The following COP1 variants were observed in gnomAD, a reference collection of about 807,000 sequenced individuals.
COP1 encodes COP1 E3 ubiquitin ligase, also known as E3 ubiquitin-protein ligase COP1.
Under a neutral mutation model 101.3 loss-of-function variants are expected in COP1, and 24 were observed. That is an observed-to-expected ratio of 0.24 (90% CI 0.17 to 0.33). The LOEUF (loss-of-function observed/expected upper bound fraction) is 0.33, where lower values mean the gene tolerates loss of function less well. Among genes scored for constraint, COP1 ranks in the 10% least tolerant of loss-of-function variants. The probability of loss-of-function intolerance (pLI) is 1.00; values close to 1 mark genes in which losing one functional copy is unlikely to be tolerated. For missense variants in COP1, 663 were observed against 906.2 expected, an observed-to-expected ratio of 0.73 and a Z score of 3.45; for synonymous variants, 347 against 341.9, an observed-to-expected ratio of 1.01 and a Z score of -0.17.
intron 8 of COP1, chr1:176,133,704 A>G: frequency 2.8e-6 from 1 of 351,368 alleles, no homozygotes; most frequent in East Asian, 7.4e-5. Flanking sequence ...AATCAGTGAG[A>G]GACTGAGTAA....
intron 14 of COP1, among the ~76,000 whole-genome samples, chr1:176,038,361 C>T (rs1669933131): frequency 6.6e-6 from 1 of 152,154 alleles, no homozygotes; most frequent in African/African-American, 2.4e-5. Context: ...ATCAAAATCT[C>T]AGCAGGATTT....
At chr1:176,052,478 C>G (rs1672738859) in intron 11 of COP1, among the ~76,000 whole-genome samples, 1 of 152,164 alleles carries the variant, frequency 6.6e-6, no homozygotes, top group South Asian at 2.1e-4. Flanking sequence ...ATTTTAAAGA[C>G]TGAATTAGGA....
Position 176,007,610 on chromosome 1 carries a change from A to G in COP1, c.1730-18131T>C, listed in dbSNP as rs373790483. Among the ~76,000 whole-genome samples the G allele has an allele frequency of 1.7e-4, 26 of 151,846 alleles. No individual in the cohort carries two copies. The East Asian group carries it at 3.1e-3, about 18-fold the overall frequency. On this transcript the variant is annotated intron_variant, in intron 15 of 19. Transcript: ENST00000367669. The stretch of plus-strand genomic sequence containing the variant: ...CTGTTGGAATACCCTGCCGTGTGAG[A>G]TGTCAGTGTGCCCCTGCTGGGGGGT...
chr1:176,206,674 C>T lies in COP1; in HGVS notation c.305G>A (p.Ser102Asn). 6.2e-7 allele frequency: 1 copy of T among 1,609,684 alleles called. No homozygotes were observed. Among genetic ancestry groups the T allele is most frequent in the Non-Finnish European group, 8.5e-7 (1 of 1,179,832 alleles). The change falls in exon 1 of 20, where the codon AGC becomes AAC. Residue 102 changes from serine (S) to asparagine (N), a missense_variant. This residue lies in a region of COP1 where 204 missense variants were observed against 203.6 expected (regional missense o/e 1.00). Coordinates refer to ENST00000367669, the MANE Select transcript of COP1 (RefSeq NM_022457.7). Reference protein sequence around the residue: ...AARPSAGVGGSSSSLGSGSRK... With the variant: ...AARPSAGVGGNSSSLGSGSRK... ...GCTGCCGCTGCCTAGGCTGGAGCTG[C>T]TGCCTCCTACGCCGGCGCTGGGCCT... is the stretch of plus-strand genomic sequence containing the variant.
chr1:175,986,881 C>T (rs1657247297), intron 18 of COP1, 62 bp downstream of exon 18: 4 of 1,243,474 alleles, frequency 3.2e-6, no homozygotes, highest in African/African-American at 3.0e-5. Context: ...TTAATCAAAC[C>T]CTGTGTATAC....
rs1005881021 is a variant in COP1, at chr1:175,987,854, G to T, written c.1972+434C>A. 4.6e-5 allele frequency among the ~76,000 whole-genome samples: 7 copies of T among 152,218 alleles called. No individual in the cohort carries two copies. In the East Asian group the frequency reaches 1.4e-3, roughly 29 times the overall value. ...TAAATTATCAACAATAAAAGCCATA[G>T]AATAACAGATCAATGCTATGCAAAC... is the stretch of plus-strand genomic sequence containing the variant. On this transcript the variant is annotated intron_variant, in intron 17 of 19. Transcript: ENST00000367669.
intron 9 of COP1, among the ~76,000 whole-genome samples, chr1:176,086,342 C>T (rs564014546): frequency 6.6e-6 from 1 of 151,186 alleles, no homozygotes; most frequent in South Asian, 2.1e-4. Context: ...TCTCCTGCCT[C>T]AGCCTCCCAA....
chr1:175,968,933 T>G (rs1180355569), intron 18 of COP1, among the ~76,000 whole-genome samples: 1 of 152,184 alleles, frequency 6.6e-6, no homozygotes, highest in Admixed American at 6.5e-5. Context: ...TGAGTAAAGC[T>G]TGAGAAAAAT....
In COP1 at chr1:175,947,669, C is replaced by T. The variant is rs111628004; in HGVS notation, c.2134-430G>A. ...ACAGGCGTGAGCCACTGTGCCCAGT[C>T]GAAGAGACAATTTTAACATGTTTTT... On this transcript the variant is annotated intron_variant, in intron 18 of 19. Coordinates refer to ENST00000367669, the MANE Select transcript of COP1 (RefSeq NM_022457.7). Among the ~76,000 whole-genome samples, 402 of 152,154 alleles carry T rather than the reference C, an allele frequency of 2.6e-3. 3 individuals carry two copies. The highest frequency in any genetic ancestry group is 9.2e-3 in the African/African-American group (383 of 41,506).
intron 8 of COP1, among the ~76,000 whole-genome samples, chr1:176,124,259 C>T (rs1219301177): frequency 6.6e-6 from 1 of 152,066 alleles, no homozygotes; most frequent in Non-Finnish European, 1.5e-5. Context: ...CTTTGTGTTA[C>T]AAACAACCCA....
chr1:175,997,923 A>G (rs187144033), intron 15 of COP1, among the ~76,000 whole-genome samples: 1 of 151,902 alleles, frequency 6.6e-6, no homozygotes, highest in Non-Finnish European at 1.5e-5. Context: ...GACTATAAAT[A>G]ATGCTGCTAT....
At chr1:176,171,485 C>T (rs1180551768) in intron 3 of COP1, among the ~76,000 whole-genome samples, 1 of 152,146 alleles carries the variant, frequency 6.6e-6, no homozygotes, top group Non-Finnish European at 1.5e-5. Flanking sequence ...CAGCAATAAG[C>T]GATTTTGCCT....
chr1:176,013,495 G>A (rs151309016), intron 15 of COP1, among the ~76,000 whole-genome samples: 5 of 152,146 alleles, frequency 3.3e-5, no homozygotes, highest in Admixed American at 1.3e-4. Flanking sequence ...AACCTACTTG[G>A]TTCTCCTTCC....
chr1:176,114,281 C>T (rs1685796518), intron 9 of COP1, among the ~76,000 whole-genome samples: 1 of 151,952 alleles, frequency 6.6e-6, no homozygotes. Flanking sequence ...CAGATACAAA[C>T]CAATCTACAA....
chr1:176,036,089 TAATATAATAGCA>T (rs1571834938), intron 14 of COP1, among the ~76,000 whole-genome samples: 1 of 151,892 alleles, frequency 6.6e-6, no homozygotes, highest in East Asian at 1.9e-4. Flanking sequence ...GTCATGAAAA[TAATATAATAGCA>T]AATATAATAG....
At chr1:176,022,342 G>A (rs1364378054) in intron 15 of COP1, among the ~76,000 whole-genome samples, 1 of 152,134 alleles carries the variant, frequency 6.6e-6, no homozygotes, top group Non-Finnish European at 1.5e-5. Context: ...ACTATAATTG[G>A]TGGGTAGCTC....
At chr1:175,958,377 G>A (rs112632438) in intron 18 of COP1, among the ~76,000 whole-genome samples, 3 of 7,088 alleles carry the variant, frequency 4.2e-4, no homozygotes, top group African/African-American at 4.5e-4. Flanking sequence ...AACCATTCAG[G>A]TATAATATCA....
intron 3 of COP1, chr1:176,168,670 T>C: frequency 3.5e-6 from 1 of 282,292 alleles, no homozygotes; most frequent in South Asian, 2.9e-5. Context: ...CTTACCTGAA[T>C]CAGCCTTTCA....
chr1:176,076,660 A>G (rs1018277468), intron 11 of COP1, among the ~76,000 whole-genome samples: 3 of 152,156 alleles, frequency 2.0e-5, no homozygotes, highest in Non-Finnish European at 2.9e-5. Context: ...AAGTCCATAC[A>G]AAAGATAAAT....
Sources: gnomAD v4.1 joint callset for allele counts (sites outside exome capture counted in the v4.1 genomes callset) on GRCh38, gnomAD v4.1.1 for gene constraint, gnomAD v4.1.1 regional missense constraint, MANE v1.5 for transcripts, NCBI Gene and HGNC (gene_info 2026-07-23, HGNC 2026-07-21) for gene names.